Variants in LYPD6B observed in about 807,000 individuals in gnomAD.
The protein encoded by LYPD6B is LY6/PLAUR domain containing 6B.
A neutral mutation model predicts 22.8 loss-of-function variants in LYPD6B; 17 were observed. The observed-to-expected ratio is 0.75, with a 90% CI of 0.51 to 1.12. The LOEUF (loss-of-function observed/expected upper bound fraction) is 1.12. Ranked by LOEUF, LYPD6B falls within the 50% of genes most tolerant of loss-of-function variation. The probability of loss-of-function intolerance (pLI) is 0.00; values close to 1 mark genes in which losing one functional copy is unlikely to be tolerated. For missense variants in LYPD6B, 221 were observed against 258.3 expected, an observed-to-expected ratio of 0.86 and a Z score of 0.99; for synonymous variants, 106 against 91.6, an observed-to-expected ratio of 1.16 and a Z score of -0.90.
chr2:149,153,831 G>A (rs909033676), intron 2 of LYPD6B, among the ~76,000 whole-genome samples: 5 of 152,112 alleles, frequency 3.3e-5, no homozygotes, highest in Admixed American at 6.6e-5. Context: ...GATCCAAGCT[G>A]GGGCCAGGGT....
rs561599153 is a variant in LYPD6B at position 149,065,321 on chromosome 2, G to T, written c.-67+26520G>T. On this transcript the variant is annotated intron_variant, in intron 1 of 6. Transcript: ENST00000409642. ...AGTCTGCCAAGTTGATCCAAAGGCTGGTCCCATCAGATGCTGTAACAAGCT... is the reference window on the plus strand; with the variant it reads ...AGTCTGCCAAGTTGATCCAAAGGCTTGTCCCATCAGATGCTGTAACAAGCT... 3.3e-5 allele frequency among the ~76,000 whole-genome samples: 5 copies of T among 152,312 alleles called. No individual in the cohort carries two copies. In the East Asian group the frequency reaches 9.7e-4, roughly 29 times the overall value.
At chr2:149,208,919 G>T (rs1304463598) in intron 5 of LYPD6B, among the ~76,000 whole-genome samples, 1 of 152,152 alleles carries the variant, frequency 6.6e-6, no homozygotes, top group Non-Finnish European at 1.5e-5. Flanking sequence ...TCTTCTCTGA[G>T]AACTGTACCT....
chr2:149,120,309 A>ATATATATG (rs1553485193), intron 1 of LYPD6B, among the ~76,000 whole-genome samples: 1 of 132,154 alleles, frequency 7.6e-6, no homozygotes, highest in African/African-American at 3.0e-5. Context: ...ATATATATAT[A>ATATATATG]TGTGTATATA....
chr2:149,107,701 T>C (rs1161856642), intron 1 of LYPD6B, among the ~76,000 whole-genome samples: 1 of 152,242 alleles, frequency 6.6e-6, no homozygotes, highest in East Asian at 1.9e-4. Context: ...GTAACTGATT[T>C]CTGGTTTAAC....
intron 1 of LYPD6B, among the ~76,000 whole-genome samples, chr2:149,066,260 T>C (rs943210281): frequency 9.9e-5 from 15 of 152,114 alleles, no homozygotes; most frequent in African/African-American, 3.4e-4. Flanking sequence ...ATGTGCCATG[T>C]TGGTGTGCTG....
At chr2:149,157,645 T>G (rs1039994144) in intron 2 of LYPD6B, among the ~76,000 whole-genome samples, 5 of 152,202 alleles carry the variant, frequency 3.3e-5, no homozygotes, top group African/African-American at 9.7e-5. Flanking sequence ...CGGGTGTGCA[T>G]TGACATGCCT....
At chr2:149,133,473 A>G (rs372579112) in intron 2 of LYPD6B, among the ~76,000 whole-genome samples, 1 of 152,234 alleles carries the variant, frequency 6.6e-6, no homozygotes, top group Non-Finnish European at 1.5e-5. Context: ...TTTCACTTCA[A>G]GATCACAACT....
chr2:149,157,910 G>A (rs1299377100), intron 2 of LYPD6B, among the ~76,000 whole-genome samples: 2 of 152,134 alleles, frequency 1.3e-5, no homozygotes, highest in Non-Finnish European at 2.9e-5. Context: ...TCAGCTTTTT[G>A]ACAGAAGCTC....
At chr2:149,133,556 G>A (rs1376532821) in intron 2 of LYPD6B, among the ~76,000 whole-genome samples, 1 of 152,174 alleles carries the variant, frequency 6.6e-6, no homozygotes, top group Non-Finnish European at 1.5e-5. Flanking sequence ...GAAGAGCTGG[G>A]CATCTTTCAA....
Position 149,102,092 on chromosome 2 carries a change from A to G in LYPD6B, c.-66-28791A>G, listed in dbSNP as rs187974645. Among the ~76,000 whole-genome samples, 69 of 152,328 alleles carry G rather than the reference A, an allele frequency of 4.5e-4. 1 individual carries two copies. The East Asian group carries it at 0.013, about 28-fold the overall frequency. ...GCATTTACTCACAGCTTTAATGTTC[A>G]TTGTATTTCTTTTTAGAATTACCTT... On this transcript the variant is annotated intron_variant, in intron 1 of 6. Coordinates refer to ENST00000409642, the MANE Select transcript of LYPD6B (RefSeq NM_177964.5).
intron 1 of LYPD6B, among the ~76,000 whole-genome samples, chr2:149,051,083 CTCTT>C (rs534844738): frequency 8.4e-4 from 128 of 151,788 alleles, no homozygotes; most frequent in South Asian, 5.8e-3. Context: ...AAAATGAAAT[CTCTT>C]TCACATTACA....
intron 3 of LYPD6B, among the ~76,000 whole-genome samples, chr2:149,166,167 T>C (rs13008194): frequency 0.29 from 44,000 of 152,010 alleles, 7,709 homozygotes; most frequent in East Asian, 0.55. Context: ...AGACTTAGCC[T>C]CAAAGAAAAA....
intron 4 of LYPD6B, 89 bp downstream of exon 4, chr2:149,205,493 C>T (rs1332855625): frequency 1.5e-6 from 2 of 1,363,398 alleles, no homozygotes; most frequent in Non-Finnish European, 2.0e-6. Context: ...GTAACTTCGT[C>T]TTTCCCAGAA....
intron 3 of LYPD6B, among the ~76,000 whole-genome samples, chr2:149,169,822 C>T (rs578097582): frequency 7.9e-5 from 12 of 152,238 alleles, no homozygotes; most frequent in South Asian, 2.1e-4. Flanking sequence ...AAACCTGTCC[C>T]GCCAGGTAAT....
At chr2:149,137,163 T>A (rs1033372049) in intron 2 of LYPD6B, among the ~76,000 whole-genome samples, 15 of 152,340 alleles carry the variant, frequency 9.8e-5, no homozygotes, top group African/African-American at 3.6e-4. Context: ...CTTTGAACTC[T>A]TATAGTAATC....
intron 1 of LYPD6B, among the ~76,000 whole-genome samples, chr2:149,045,298 T>C (rs114877932): frequency 0.01 from 1,529 of 152,200 alleles, 21 homozygotes; most frequent in African/African-American, 0.033. Context: ...TATTAACTTA[T>C]GTCTTCAGTC....
intron 1 of LYPD6B, among the ~76,000 whole-genome samples, chr2:149,070,317 G>T (rs1684537880): frequency 6.6e-6 from 1 of 152,132 alleles, no homozygotes; most frequent in Non-Finnish European, 1.5e-5. Flanking sequence ...GCTTCTCCCT[G>T]AGGATGTTTT....
At chr2:149,180,811 G>A (rs1355161353) in intron 3 of LYPD6B, among the ~76,000 whole-genome samples, 2 of 152,180 alleles carry the variant, frequency 1.3e-5, no homozygotes, top group African/African-American at 4.8e-5. Context: ...TCCTGGCCCT[G>A]GGGCTTCAAA....
At chr2:149,136,306 A>T (rs139944082) in intron 2 of LYPD6B, among the ~76,000 whole-genome samples, 84 of 152,312 alleles carry the variant, frequency 5.5e-4, no homozygotes, top group Admixed American at 9.2e-4. Flanking sequence ...AGTGAGTTTC[A>T]TAAGAAGCAT....
Sources: allele counts gnomAD v4.1 joint callset (sites outside exome capture counted in the v4.1 genomes callset), GRCh38; gene constraint gnomAD v4.1.1; transcripts MANE v1.5; gene names NCBI Gene and HGNC (gene_info 2026-07-23, HGNC 2026-07-21).